Variants in CDH13 observed in about 807,000 individuals in gnomAD.
CDH13 encodes cadherin-13.
CDH13 carries 24 observed loss-of-function variants against 63.8 expected under a neutral mutation model. The ratio of observed to expected loss-of-function variants is 0.38; its 90% CI spans 0.27 to 0.53. The LOEUF (loss-of-function observed/expected upper bound fraction) is 0.53, where lower values mean the gene tolerates loss of function less well. Among genes scored for constraint, CDH13 ranks in the 20% least tolerant of loss-of-function variants. CDH13 has a pLI of 0.85. For synonymous variants in CDH13, 503 were observed against 355.3 expected (o/e 1.42, Z -4.67); for missense variants, 1,049 against 903.1 (o/e 1.16, Z -2.07).
intron 7 of CDH13, among the ~76,000 whole-genome samples, chr16:83,577,171 C>T (rs1258831782): frequency 2.0e-5 from 3 of 152,144 alleles, no homozygotes; most frequent in South Asian, 2.1e-4. Context: ...CACATGGTGC[C>T]GTCATAGCTG....
intron 5 of CDH13, among the ~76,000 whole-genome samples, chr16:83,302,169 T>G (rs953249212): frequency 6.6e-6 from 1 of 152,182 alleles, no homozygotes; most frequent in African/African-American, 2.4e-5. Flanking sequence ...AGTTGACAGC[T>G]GTTGGCCTCA....
In CDH13 at chr16:82,974,960, A is replaced by C. The variant is rs538859769; in HGVS notation, c.158-57050A>C. ...ATAAACTACGCCCAGACTGACTTTG[A>C]CTGTAATGGCGCTGGGTCAGTCTCA... On this transcript the variant is annotated intron_variant, in intron 2 of 13. Transcript: ENST00000567109. Among the ~76,000 whole-genome samples the C allele has an allele frequency of 4.6e-5, 7 of 152,334 alleles. No individual in the cohort carries two copies. In the South Asian group the frequency reaches 8.3e-4, roughly 18 times the overall value.
At chr16:83,456,156 C>T (rs954677526) in intron 6 of CDH13, among the ~76,000 whole-genome samples, 4 of 152,216 alleles carry the variant, frequency 2.6e-5, no homozygotes, top group Non-Finnish European at 4.4e-5. Flanking sequence ...CCAGGCACCA[C>T]GAGCCTCCCA....
chr16:83,295,249 A>T (rs2089564165), intron 5 of CDH13, among the ~76,000 whole-genome samples: 1 of 152,196 alleles, frequency 6.6e-6, no homozygotes, highest in Non-Finnish European at 1.5e-5. Context: ...TAAAGATTTA[A>T]ATGTAAGACT....
chr16:83,009,351 A>C (rs565065722), intron 2 of CDH13, among the ~76,000 whole-genome samples: 1 of 152,220 alleles, frequency 6.6e-6, no homozygotes, highest in South Asian at 2.1e-4. Context: ...AGATTATGAT[A>C]TTTATTCAAA....
chr16:83,627,847 G>A (rs1010415661), intron 8 of CDH13, among the ~76,000 whole-genome samples: 10 of 152,210 alleles, frequency 6.6e-5, no homozygotes, highest in Non-Finnish European at 1.5e-4. Context: ...ACCATAGACA[G>A]AGCAGCCCCA....
At chr16:83,719,606 C>G (rs1909411527) in intron 10 of CDH13, among the ~76,000 whole-genome samples, 1 of 152,160 alleles carries the variant, frequency 6.6e-6, no homozygotes, top group African/African-American at 2.4e-5. Context: ...TCCTGCATAC[C>G]ACGTGCAGTT....
At chr16:82,698,767 A>G (rs1190527242) in intron 1 of CDH13, among the ~76,000 whole-genome samples, 1 of 152,194 alleles carries the variant, frequency 6.6e-6, no homozygotes, top group Non-Finnish European at 1.5e-5. Flanking sequence ...ACAATCTATT[A>G]CAGGAAGCCA....
At chr16:83,172,396 C>T (rs567458345) in intron 4 of CDH13, among the ~76,000 whole-genome samples, 11 of 151,938 alleles carry the variant, frequency 7.2e-5, no homozygotes, top group South Asian at 2.1e-4. Context: ...GAGGCTGATA[C>T]GCAAGAATTG....
intron 7 of CDH13, among the ~76,000 whole-genome samples, chr16:83,550,685 T>G (rs1408683718): frequency 6.6e-6 from 1 of 152,206 alleles, no homozygotes; most frequent in Non-Finnish European, 1.5e-5. Context: ...GAAAGTTCCA[T>G]GAGGCCAGAG....
At chr16:83,194,665 G>A (rs1597495540) in intron 4 of CDH13, among the ~76,000 whole-genome samples, 1 of 152,156 alleles carries the variant, frequency 6.6e-6, no homozygotes. Flanking sequence ...TTTTCTTTAG[G>A]ATGAAAAGAG....
intron 1 of CDH13, among the ~76,000 whole-genome samples, chr16:82,739,790 A>G (rs2033849306): frequency 6.6e-6 from 1 of 152,244 alleles, no homozygotes; most frequent in Admixed American, 6.5e-5. Flanking sequence ...TGAGATAAAT[A>G]TATGCCACCT....
intron 10 of CDH13, chr16:83,728,951 C>A: frequency 6.5e-6 from 1 of 153,486 alleles, no homozygotes; most frequent in South Asian, 1.8e-4. Context: ...TGCAGACAGC[C>A]ACCTTCTTGC....
intron 3 of CDH13, among the ~76,000 whole-genome samples, chr16:83,036,595 A>C (rs1176993493): frequency 6.6e-6 from 1 of 152,158 alleles, no homozygotes; most frequent in Non-Finnish European, 1.5e-5. Context: ...GGACCAGCTC[A>C]GTGCCCTTCC....
chr16:82,691,996 T>C (rs937486042), intron 1 of CDH13, among the ~76,000 whole-genome samples: 11 of 152,254 alleles, frequency 7.2e-5, no homozygotes, highest in Admixed American at 4.6e-4. Context: ...AAAGCATGTC[T>C]ATCTTCCCTT....
intron 1 of CDH13, among the ~76,000 whole-genome samples, chr16:82,806,531 C>T (rs975680279): frequency 1.6e-4 from 25 of 152,162 alleles, no homozygotes; most frequent in African/African-American, 5.6e-4. Flanking sequence ...CATTATCTCT[C>T]TCCTGAGGCA....
At chr16:82,823,677 G>A (rs1463329864) in intron 1 of CDH13, 1 of 152,100 alleles carries the variant, frequency 6.6e-6, no homozygotes, top group Non-Finnish European at 1.5e-5. Flanking sequence ...TGGAGGTAGT[G>A]TTGGTATATT....
intron 10 of CDH13, among the ~76,000 whole-genome samples, chr16:83,714,016 G>A (rs932418560): frequency 6.6e-6 from 1 of 152,152 alleles, no homozygotes; most frequent in African/African-American, 2.4e-5. Context: ...CACTTGTCCA[G>A]AGTAGATCTC....
chr16:82,645,841 A>T (rs182756842), intron 1 of CDH13, among the ~76,000 whole-genome samples: 62 of 152,382 alleles, frequency 4.1e-4, no homozygotes, highest in African/African-American at 1.4e-3. Flanking sequence ...TGCCATGGTT[A>T]TTCCAAAGGG....
Sources: gnomAD v4.1 joint callset for allele counts (sites outside exome capture counted in the v4.1 genomes callset) on GRCh38, gnomAD v4.1.1 for gene constraint, MANE v1.5 for transcripts, NCBI Gene and HGNC (gene_info 2026-07-23, HGNC 2026-07-21) for gene names.